Variants in RERG observed in about 807,000 individuals in gnomAD.
RERG encodes the protein ras-related and estrogen-regulated growth inhibitor.
In RERG, 25 loss-of-function variants were observed where a neutral mutation model predicts 23.2. That is an observed-to-expected ratio of 1.08 (90% CI 0.79 to 1.50). RERG has a LOEUF of 1.50. Ranked by LOEUF, RERG falls within the 40% of genes most tolerant of loss-of-function variation. RERG has a pLI of 0.00. For missense variants in RERG, 253 were observed against 250.1 expected, an observed-to-expected ratio of 1.01 and a Z score of -0.08; for synonymous variants, 81 against 89.1, an observed-to-expected ratio of 0.91 and a Z score of 0.51.
chr12:15,130,790 G>A (rs1864032342), intron 2 of RERG, among the ~76,000 whole-genome samples: 1 of 152,164 alleles, frequency 6.6e-6, no homozygotes, highest in Non-Finnish European at 1.5e-5. Context: ...GAACACATCA[G>A]TTCTCTGTAC....
At chr12:15,170,546 G>A (rs1025526962) in intron 2 of RERG, among the ~76,000 whole-genome samples, 9 of 152,148 alleles carry the variant, frequency 5.9e-5, no homozygotes, top group African/African-American at 7.2e-5. Context: ...AGAGGCCAGT[G>A]GCTTCCAATC....
At chr12:15,111,173 A>G (rs1863606308) in intron 4 of RERG, 171 bp downstream of exon 4, 1 of 546,502 alleles carries the variant, frequency 1.8e-6, no homozygotes. Context: ...ATAAGGATGA[A>G]TATACAGATA....
At chr12:15,142,786 AC>A (rs1457337439) in intron 2 of RERG, among the ~76,000 whole-genome samples, 2 of 152,114 alleles carry the variant, frequency 1.3e-5, no homozygotes, top group Non-Finnish European at 2.9e-5. Context: ...CCTAAAAAAA[AC>A]CCCTGAAATA....
At chr12:15,192,157 TAGTA>T (rs771079646) in intron 2 of RERG, among the ~76,000 whole-genome samples, 8 of 152,136 alleles carry the variant, frequency 5.3e-5, no homozygotes, top group Non-Finnish European at 8.8e-5. Context: ...GGCCTCGCGA[TAGTA>T]AGTGACTTCT....
At chr12:15,201,394 A>G (rs1284636813) in intron 2 of RERG, among the ~76,000 whole-genome samples, 1 of 151,786 alleles carries the variant, frequency 6.6e-6, no homozygotes, top group East Asian at 1.9e-4. Flanking sequence ...TGGGCAATTT[A>G]CTTACTTTGC....
At chr12:15,147,281 TCC>T (rs1864351047) in intron 2 of RERG, among the ~76,000 whole-genome samples, 1 of 152,220 alleles carries the variant, frequency 6.6e-6, no homozygotes, top group South Asian at 2.1e-4. Context: ...ATGATTAAAA[TCC>T]AGGTTTGCAA....
intron 2 of RERG, among the ~76,000 whole-genome samples, chr12:15,192,458 A>G (rs1473620411): frequency 3.9e-5 from 6 of 152,084 alleles, no homozygotes; most frequent in Admixed American, 3.9e-4. Context: ...ATTTTAAAAA[A>G]CCCTAAATAT....
intron 2 of RERG, among the ~76,000 whole-genome samples, chr12:15,145,518 G>A (rs1864317195): frequency 6.6e-6 from 1 of 152,226 alleles, no homozygotes; most frequent in African/African-American, 2.4e-5. Context: ...GGCCCGGGGT[G>A]TGTCCGATGC....
intron 3 of RERG, among the ~76,000 whole-genome samples, chr12:15,119,397 G>A (rs1285241121): frequency 6.6e-6 from 1 of 152,078 alleles, no homozygotes; most frequent in Non-Finnish European, 1.5e-5. Context: ...TTCATTTTAT[G>A]AGACCATTTT....
chr12:15,208,882 G>GT (rs1865329651), intron 2 of RERG, among the ~76,000 whole-genome samples: 1 of 151,862 alleles, frequency 6.6e-6, no homozygotes, highest in South Asian at 2.1e-4. Context: ...CTGATAAGGC[G>GT]TAAGTCTAAG....
At chr12:15,141,261 T>C (rs1864234443) in intron 2 of RERG, among the ~76,000 whole-genome samples, 1 of 151,848 alleles carries the variant, frequency 6.6e-6, no homozygotes, top group Non-Finnish European at 1.5e-5. Flanking sequence ...GTTCAAGCTA[T>C]TCTCCTGCCT....
intron 2 of RERG, among the ~76,000 whole-genome samples, chr12:15,129,810 G>A (rs1164249297): frequency 1.3e-5 from 2 of 152,074 alleles, no homozygotes; most frequent in Non-Finnish European, 2.9e-5. Flanking sequence ...TCACACTAAG[G>A]AGCTTGGATT....
At chr12:15,210,010 C>G (rs574954833) in intron 2 of RERG, among the ~76,000 whole-genome samples, 1 of 152,102 alleles carries the variant, frequency 6.6e-6, no homozygotes, top group African/African-American at 2.4e-5. Flanking sequence ...AATATAGCAA[C>G]TCATTTTTCA....
At chr12:15,150,625 C>T (rs914673234) in intron 2 of RERG, among the ~76,000 whole-genome samples, 1 of 152,142 alleles carries the variant, frequency 6.6e-6, no homozygotes, top group African/African-American at 2.4e-5. Context: ...GTGGCAGGGC[C>T]TTTATTTTAC....
chr12:15,112,852 G>GT (rs1319765685), intron 3 of RERG, among the ~76,000 whole-genome samples: 2 of 152,168 alleles, frequency 1.3e-5, no homozygotes, highest in Non-Finnish European at 2.9e-5. Flanking sequence ...ATTTCTCAAC[G>GT]TGAGGGAACA....
At chr12:15,172,993 A>AT in intron 2 of RERG, among the ~76,000 whole-genome samples, 1 of 152,088 alleles carries the variant, frequency 6.6e-6, no homozygotes, top group Non-Finnish European at 1.5e-5. Context: ...ATAAAGTTCA[A>AT]TTTATCAATT....
At chr12:15,109,595 T>TTAAGGCATTACTGTCA in intron 4 of RERG, 78 bp from the exon 5 acceptor site, 3 of 1,125,748 alleles carry the variant, frequency 2.7e-6, no homozygotes, top group Non-Finnish European at 3.8e-6. Context: ...CTGACAGTAA[T>TTAAGGCATTACTGTCA]GCCTTAATTA....
chr12:15,162,903 A>G (rs111745273), intron 2 of RERG, among the ~76,000 whole-genome samples: 16 of 152,324 alleles, frequency 1.1e-4, no homozygotes, highest in African/African-American at 3.6e-4. Flanking sequence ...TTAGAGTCCT[A>G]TAACATACGT....
intron 2 of RERG, among the ~76,000 whole-genome samples, chr12:15,148,141 T>C (rs908004075): frequency 6.6e-6 from 1 of 152,140 alleles, no homozygotes. Context: ...GAGTGGAATA[T>C]ATTCTTAGAT....
Sources: gnomAD v4.1 joint callset for allele counts (sites outside exome capture counted in the v4.1 genomes callset) on GRCh38, gnomAD v4.1.1 for gene constraint, MANE v1.5 for transcripts, NCBI Gene and HGNC (gene_info 2026-07-23, HGNC 2026-07-21) for gene names.